Variants in VPS26B observed in about 807,000 individuals in gnomAD.
The protein encoded by VPS26B is vacuolar protein sorting-associated protein 26B.
Under a neutral mutation model 33.3 loss-of-function variants are expected in VPS26B, and 10 were observed. The observed-to-expected ratio is 0.30, with a 90% confidence interval of 0.19 to 0.51. The LOEUF (loss-of-function observed/expected upper bound fraction) is 0.51. VPS26B is among the 20% of genes least tolerant of loss of function. The probability of loss-of-function intolerance (pLI) is 0.98; values close to 1 mark genes in which losing one functional copy is unlikely to be tolerated. For missense variants in VPS26B, 317 were observed against 452.7 expected (o/e 0.70, Z 2.72); for synonymous variants, 190 against 176.9 (o/e 1.07, Z -0.59).
In VPS26B at chr11:134,241,374, C is replaced by T. The variant is rs527371236; in HGVS notation, c.545+1219C>T. Among the ~76,000 whole-genome samples, 3 of 152,196 alleles carry T rather than the reference C, an allele frequency of 2.0e-5. No individual in the cohort carries two copies. In the East Asian group the frequency reaches 5.8e-4, roughly 29 times the overall value. On this transcript the variant is annotated intron_variant, in intron 3 of 5. Transcript: ENST00000281187. ...GGTTGGAGGAATGGTGTGTTTTTTC[C>T]CCTGGCAGGCCTGGAACCTAGAGGG...
In VPS26B at chr11:134,245,465, G is replaced by A; in HGVS notation, c.886G>A (p.Gly296Ser). ...GCAGGAAGTGGTGTTGTGGCGGAAG[G>A]GTGACATCGTACGGAAGAGCATGTC... ...KQQEVVLWRK[G>S]DIVRKSMSHQ... Residue 296 changes from glycine (G) to serine (S), a missense_variant, in exon 6 of 6, where the codon GGT becomes AGT. Gly to Ser is a moderately conservative substitution (Grantham distance 56). Transcript: ENST00000281187. This position sits in a 1 kb window ranked among gnomAD's most constrained non-coding sequence, Gnocchi z 4.7. 2.5e-6 allele frequency: 4 copies of A among 1,614,002 alleles called. No homozygotes were observed. The highest frequency in any genetic ancestry group is 3.4e-6 in the Non-Finnish European group (4 of 1,179,892).
Position 134,240,193 on chromosome 11 carries a change from T to C in VPS26B, c.545+38T>C. 5.6e-6 allele frequency: 9 copies of C among 1,608,528 alleles called. No homozygotes were observed. The highest frequency in any genetic ancestry group is 7.7e-6 in the Non-Finnish European group (9 of 1,176,136). On this transcript the variant is annotated intron_variant, in intron 3 of 5. Transcript: ENST00000281187. The surrounding 1 kb of genome is among the most constrained non-coding windows in gnomAD (Gnocchi z 4.4). ...GTGCCAAGGTTGTGAAATGATTATT[T>C]AAGGAGGTTAAGATGGGACTTGATG...
chr11:134,226,807 C>G (rs1408209563), intron 1 of VPS26B, among the ~76,000 whole-genome samples: 3 of 152,158 alleles, frequency 2.0e-5, no homozygotes, highest in Non-Finnish European at 4.4e-5. Context: ...AAAAGGAGGC[C>G]TTGTGGCCTG....
In VPS26B at chr11:134,225,068, G is replaced by T. The variant is rs370688819; in HGVS notation, c.-55G>T. ...TGGCCTTCTTTACCTAGGGCAGCCC[G>T]CGCCCCGGTGCGAGGGAGCGGTCCT... On this transcript the variant is annotated 5_prime_UTR_variant, in exon 1 of 6. Transcript: ENST00000281187. The T allele has an allele frequency of 4.6e-6, 7 of 1,512,166 alleles. No individual in the cohort carries two copies. The African/African-American group carries it at 5.5e-5, about 12-fold the overall frequency. The allele number at this position is 1,512,166 out of a possible 1,614,324, so 93.7% of individuals were successfully genotyped here.
At chr11:134,233,755 A>G (rs551560796) in intron 1 of VPS26B, among the ~76,000 whole-genome samples, 2 of 152,124 alleles carry the variant, frequency 1.3e-5, no homozygotes, top group South Asian at 4.1e-4. Context: ...TCACTTGTGC[A>G]GGGCCAGGTT....
rs561419210 is a variant in VPS26B at position 134,244,770 on chromosome 11, T to C, written c.722-168T>C. On this transcript the variant is annotated intron_variant, in intron 4 of 5. Transcript: ENST00000281187. The surrounding 1 kb of genome is among the most constrained non-coding windows in gnomAD (Gnocchi z 4.0). ...CCTGGAGTGGAACTGGAGAGTCACA[T>C]TTTTGTTTCAGCCACCTGCTGGGCA... is the stretch of plus-strand genomic sequence containing the variant. The C allele has an allele frequency of 6.9e-6, 6 of 871,958 alleles. No individual in the cohort carries two copies. The highest frequency in any genetic ancestry group is 1.0e-5 in the Non-Finnish European group (6 of 593,968). 54.0% of individuals were successfully genotyped at this position (871,958 alleles called of 1,614,324 possible).
At chr11:134,229,229 C>G (rs2136045600) in intron 1 of VPS26B, among the ~76,000 whole-genome samples, 1 of 152,218 alleles carries the variant, frequency 6.6e-6, no homozygotes, top group East Asian at 1.9e-4. Flanking sequence ...CAGGGTCTGT[C>G]TTTATTGCCC....
chr11:134,243,567 G>A lies in VPS26B; in HGVS notation c.721+273G>A, dbSNP rs1469473762. On this transcript the variant is annotated intron_variant, in intron 4 of 5. Transcript: ENST00000281187. The stretch of plus-strand genomic sequence containing the variant: ...TTGTACTGAAGATTGAACCTCAAGC[G>A]TCACTTTGGAAGGTCCAGGTTTAGC... The A allele has an allele frequency of 5.3e-5, 21 of 397,054 alleles. No homozygotes were observed. The East Asian group carries it at 6.6e-4, about 12-fold the overall frequency. The allele number at this position is 397,054 out of a possible 1,614,324, so 24.6% of individuals were successfully genotyped here.
chr11:134,228,053 T>C (rs559481758), intron 1 of VPS26B, among the ~76,000 whole-genome samples: 55 of 152,396 alleles, frequency 3.6e-4, no homozygotes, highest in African/African-American at 1.2e-3. Flanking sequence ...CGCTCAATTA[T>C]CCATGGTTAC....
Position 134,225,010 on chromosome 11 carries a change from C to T in VPS26B, c.-113C>T, listed in dbSNP as rs2136042224. On this transcript the variant is annotated 5_prime_UTR_variant, in exon 1 of 6. Coordinates refer to ENST00000281187, the MANE Select transcript of VPS26B (RefSeq NM_052875.5). ...GCAGCGGCGGAGCCAGGCAGCCCCG[C>T]GGCGGCCGAGCGCGCTCGCGCATCG... 3.0e-6 allele frequency: 3 copies of T among 1,006,624 alleles called. No individual in the cohort carries two copies. Among genetic ancestry groups the T allele is most frequent in the Non-Finnish European group, 3.9e-6 (3 of 760,284 alleles). 62.4% of individuals were successfully genotyped at this position (1,006,624 alleles called of 1,614,324 possible).
chr11:134,230,662 G>C (rs1233003531), intron 1 of VPS26B, among the ~76,000 whole-genome samples: 1 of 152,220 alleles, frequency 6.6e-6, no homozygotes, highest in African/African-American at 2.4e-5. Flanking sequence ...TCTGTGCCAA[G>C]TTGAAACTGA....
Position 134,245,232 on chromosome 11 carries a change from T to TA in VPS26B, c.864+153dup, listed in dbSNP as rs1424703620. 3 of 1,338,006 alleles carry TA rather than the reference T, an allele frequency of 2.2e-6. No individual in the cohort carries two copies. Among genetic ancestry groups the TA allele is most frequent in the African/African-American group, 2.9e-5 (2 of 67,968 alleles). 82.9% of individuals were successfully genotyped at this position (1,338,006 alleles called of 1,614,324 possible). A position where few individuals can be genotyped will look rare whatever the true frequency, so the allele number is the denominator to read the frequency against. On this transcript the variant is annotated intron_variant, in intron 5 of 5. Transcript: ENST00000281187. This position sits in a 1 kb window ranked among gnomAD's most constrained non-coding sequence, Gnocchi z 4.7. ...AAGAATGAGGATTCTCACCTGGCCT[T>TA]AGAGTCTGCTTCCTCGGGCCTTCTC...
Position 134,235,182 on chromosome 11 carries a change from G to A in VPS26B, c.380+129G>A, listed in dbSNP as rs752202492. The A allele has an allele frequency of 3.7e-5, 46 of 1,238,250 alleles. No homozygotes were observed. The East Asian group carries it at 6.2e-4, about 17-fold the overall frequency. The allele number at this position is 1,238,250 out of a possible 1,614,324, so 76.7% of individuals were successfully genotyped here. A position where few individuals can be genotyped will look rare whatever the true frequency, so the allele number is the denominator to read the frequency against. On this transcript the variant is annotated intron_variant, in intron 2 of 5. Transcript: ENST00000281187. The stretch of plus-strand genomic sequence containing the variant: ...AAGGAAGAGTGTCGCGAGCTGTGGC[G>A]TGCTGGTAAACCATTAACCGTGGGC...
intron 1 of VPS26B, among the ~76,000 whole-genome samples, chr11:134,229,682 A>G (rs1220248066): frequency 6.6e-6 from 1 of 151,978 alleles, no homozygotes; most frequent in Non-Finnish European, 1.5e-5. Flanking sequence ...CTCTCTTCTC[A>G]ATGCCACTGC....
At position 134,245,660 on chromosome 11, in the gene VPS26B, C is replaced by T. The variant is rs188992863; in HGVS notation, c.*70C>T. ...ATCTACCAACACCAGCGGCTGGGGG[C>T]GGGGGCGGACCTTGTGAGGCTCAGT... On this transcript the variant is annotated 3_prime_UTR_variant, in exon 6 of 6. Coordinates refer to ENST00000281187, the MANE Select transcript of VPS26B (RefSeq NM_052875.5). This position sits in a 1 kb window ranked among gnomAD's most constrained non-coding sequence, Gnocchi z 4.7. The T allele has an allele frequency of 4.1e-4, 609 of 1,502,790 alleles. No individual in the cohort carries two copies. The African/African-American group carries it at 4.2e-3, about 10-fold the overall frequency. The allele number at this position is 1,502,790 out of a possible 1,614,324, so 93.1% of individuals were successfully genotyped here. A position where few individuals can be genotyped will look rare whatever the true frequency, so the allele number is the denominator to read the frequency against.
chr11:134,244,824 T>C lies in VPS26B; in HGVS notation c.722-114T>C. The C allele has an allele frequency of 7.1e-7, 1 of 1,412,288 alleles. No homozygotes were observed. Among genetic ancestry groups the C allele is most frequent in the Non-Finnish European group, 9.4e-7 (1 of 1,066,224 alleles). The allele number at this position is 1,412,288 out of a possible 1,614,324, so 87.5% of individuals were successfully genotyped here. On this transcript the variant is annotated intron_variant, in intron 4 of 5. Coordinates refer to ENST00000281187, the MANE Select transcript of VPS26B (RefSeq NM_052875.5). The surrounding 1 kb of genome is among the most constrained non-coding windows in gnomAD (Gnocchi z 4.0). ...GAGCGACTGCACCTTCCCAGAAGGCTGAAGTGCTCGTGTGCTGCACTCCAG... is the reference window on the plus strand; with the variant it reads ...GAGCGACTGCACCTTCCCAGAAGGCCGAAGTGCTCGTGTGCTGCACTCCAG...
rs1938611185 is a variant in VPS26B, at chr11:134,235,062, T to C, written c.380+9T>C. The C allele has an allele frequency of 6.2e-7, 1 of 1,612,732 alleles. No individual in the cohort carries two copies. The highest frequency in any genetic ancestry group is 8.5e-7 in the Non-Finnish European group (1 of 1,179,250). On this transcript the variant is annotated intron_variant, in intron 2 of 5. Coordinates refer to ENST00000281187, the MANE Select transcript of VPS26B (RefSeq NM_052875.5). Reference sequence around the variant, plus strand: ...CAGAATGTGAAGCTACGGTAAGTGATGTCTGCTGGTTCCCCACTGTACCCT... The same window carrying C: ...CAGAATGTGAAGCTACGGTAAGTGACGTCTGCTGGTTCCCCACTGTACCCT...
chr11:134,243,349 C>A, intron 4 of VPS26B, 55 bp downstream of exon 4: 1 of 1,597,156 alleles, frequency 6.3e-7, no homozygotes, highest in Non-Finnish European at 8.6e-7. Context: ...ATGTCCTGCA[C>A]AGAATTCTGG....
intron 1 of VPS26B, among the ~76,000 whole-genome samples, chr11:134,232,755 T>C (rs1180567170): frequency 6.6e-6 from 1 of 152,224 alleles, no homozygotes; most frequent in Non-Finnish European, 1.5e-5. Flanking sequence ...TTCTGGACAC[T>C]GGGGCCTTGC....
Sources: allele counts gnomAD v4.1 joint callset (sites outside exome capture counted in the v4.1 genomes callset), GRCh38; gene constraint gnomAD v4.1.1; non-coding constraint Gnocchi (gnomAD v3.1); transcripts MANE v1.5; gene names NCBI Gene and HGNC (gene_info 2026-07-23, HGNC 2026-07-21).